The following SLC28A1 variants were observed in gnomAD, a reference collection of about 807,000 sequenced individuals.
SLC28A1 encodes the protein solute carrier family 28 member 1, also known as sodium/nucleoside cotransporter 1.
In SLC28A1, 64 loss-of-function variants were observed where a neutral mutation model predicts 74.8. That is an observed-to-expected ratio of 0.86 (90% CI 0.70 to 1.05). The LOEUF is 1.05. Among genes scored for constraint, SLC28A1 ranks in the 50% least tolerant of loss-of-function variants. SLC28A1 has a pLI of 0.00. For synonymous variants in SLC28A1, 359 were observed against 335.0 expected (o/e 1.07, Z -0.78); for missense variants, 828 against 822.8 (o/e 1.01, Z -0.08).
In SLC28A1 at chr15:84,943,673, A is replaced by G. The variant is rs1171077138; in HGVS notation, c.1663+147A>G. The G allele has an allele frequency of 5.7e-6, 4 of 702,826 alleles. No homozygotes were observed. The African/African-American group carries it at 7.0e-5, about 12-fold the overall frequency. The allele number at this position is 702,826 out of a possible 1,614,324, so 43.5% of individuals were successfully genotyped here. On this transcript the variant is annotated intron_variant, in intron 16 of 18. Transcript: ENST00000394573. Reference sequence around the variant, plus strand: ...GCCAGGTGTGGTGGCTCATGCCTGTAATCCCAGCACTTTGGGAGGCCCAGG... The same window carrying G: ...GCCAGGTGTGGTGGCTCATGCCTGTGATCCCAGCACTTTGGGAGGCCCAGG...
chr15:84,901,693 A>C, intron 6 of SLC28A1, among the ~76,000 whole-genome samples: 1 of 152,260 alleles, frequency 6.6e-6, no homozygotes. Context: ...GAATGGGTAG[A>C]ATTCAGAAGA....
At chr15:84,908,155 T>C (rs1410699028) in intron 8 of SLC28A1, among the ~76,000 whole-genome samples, 2 of 147,512 alleles carry the variant, frequency 1.4e-5, no homozygotes, top group East Asian at 4.1e-4. Flanking sequence ...TTCTTTATTG[T>C]CCTAATAACT....
At chr15:84,923,892 G>A (rs976766037) in intron 11 of SLC28A1, 93 bp from the exon 12 acceptor site, 24 of 1,561,780 alleles carry the variant, frequency 1.5e-5, no homozygotes, top group African/African-American at 8.1e-5. Flanking sequence ...GCCTCTTACC[G>A]TGGGACTCCC....
chr15:84,904,346 C>T, intron 7 of SLC28A1, 108 bp downstream of exon 7: 1 of 1,536,140 alleles, frequency 6.5e-7, no homozygotes, highest in Non-Finnish European at 8.9e-7. Flanking sequence ...TTGGGAGAGC[C>T]CTGGAGGCTC....
intron 6 of SLC28A1, among the ~76,000 whole-genome samples, chr15:84,901,175 G>A (rs1175614021): frequency 2.0e-5 from 3 of 151,762 alleles, no homozygotes; most frequent in Non-Finnish European, 4.4e-5. Context: ...GCCTGGCCTT[G>A]TCATAAATCT....
chr15:84,935,162 G>T lies in SLC28A1; in HGVS notation c.1351G>T (p.Asp451Tyr). 1.9e-6 allele frequency: 3 copies of T among 1,614,046 alleles called. No individual in the cohort carries two copies. Among genetic ancestry groups the T allele is most frequent in the Non-Finnish European group, 2.5e-6 (3 of 1,179,920 alleles). Residue 451 changes from aspartate (D) to tyrosine (Y), a missense_variant, in exon 14 of 19, where the codon GAC (aspartate) becomes TAC (tyrosine). By Grantham distance (160) the Asp-to-Tyr change is radical (BLOSUM62 -3). Coordinates refer to ENST00000394573, the MANE Select transcript of SLC28A1 (RefSeq NM_004213.5). ...CAATGCTGCCCTCTCCTGGCTGGGA[G>T]ACATGGTGGACATCCAAGGGCTCAG... The part of the protein sequence containing the change: ...FINAALSWLG[D>Y]MVDIQGLSFQ...
the SLC28A1 span, among the ~76,000 whole-genome samples, chr15:84,971,244 T>C: frequency 2.6e-5 from 4 of 152,316 alleles, no homozygotes; most frequent in South Asian, 8.3e-4. Flanking sequence ...TTGAAAGGGC[T>C]AGAGAACAAA....
intron 15 of SLC28A1, among the ~76,000 whole-genome samples, chr15:84,939,025 G>A (rs1406866030): frequency 1.3e-5 from 2 of 152,148 alleles, no homozygotes; most frequent in Non-Finnish European, 1.5e-5. Flanking sequence ...TGAATTTTAA[G>A]AAGATGACTG....
intron 2 of SLC28A1, chr15:84,887,349 G>C: frequency 1.0e-6 from 1 of 985,362 alleles, no homozygotes; most frequent in Non-Finnish European, 1.2e-6. Flanking sequence ...GTTTCTGCCT[G>C]GAACTCCCAG....
the SLC28A1 span, among the ~76,000 whole-genome samples, chr15:84,953,867 T>A: frequency 1.1e-3 from 174 of 152,264 alleles, 1 homozygote; most frequent in African/African-American, 4.1e-3. Flanking sequence ...ACAAATCAAA[T>A]AGCTTAGGAG....
At chr15:84,943,374 C>A in intron 15 of SLC28A1, 71 bp from the exon 16 acceptor site, 1 of 1,072,188 alleles carries the variant, frequency 9.3e-7, no homozygotes, top group Non-Finnish European at 1.5e-6. Context: ...GGCCAGGGAG[C>A]CTGGGTGTTA....
intron 8 of SLC28A1, among the ~76,000 whole-genome samples, chr15:84,908,178 C>CTTTTTTTTTTTTT (rs71135328): frequency 8.8e-5 from 8 of 91,358 alleles, no homozygotes; most frequent in African/African-American, 2.9e-4. Flanking sequence ...CAGAGCATTT[C>CTTTTTTTTTTTTT]TTTTTTTTTT....
chr15:84,910,085 C>G (rs536874791), intron 9 of SLC28A1, among the ~76,000 whole-genome samples: 3 of 152,304 alleles, frequency 2.0e-5, no homozygotes, highest in East Asian at 1.9e-4. Context: ...TCTCTTGTGC[C>G]AGCAGACTCC....
chr15:84,919,154 C>T (rs1219924889), intron 10 of SLC28A1, among the ~76,000 whole-genome samples: 1 of 152,160 alleles, frequency 6.6e-6, no homozygotes, highest in East Asian at 1.9e-4. Flanking sequence ...ATAATTTATA[C>T]CGAAAAGATA....
At chr15:84,903,946 G>T (rs1176074534) in intron 6 of SLC28A1, 151 bp from the exon 7 acceptor site, 1 of 1,014,186 alleles carries the variant, frequency 9.9e-7, no homozygotes, top group Non-Finnish European at 1.5e-6. Flanking sequence ...CCAGCATGTG[G>T]TTCCAGAGCT....
At chr15:84,906,556 CTT>C (rs1491266890) in intron 8 of SLC28A1, among the ~76,000 whole-genome samples, 1,080 of 89,188 alleles carry the variant, frequency 0.012, 46 homozygotes, top group African/African-American at 0.043. Context: ...TTCTTTCTTT[CTT>C]TCTTTCTCTT....
chr15:84,965,419 G>A, the SLC28A1 span, among the ~76,000 whole-genome samples: 1 of 152,056 alleles, frequency 6.6e-6, no homozygotes, highest in Admixed American at 6.6e-5. Context: ...CAGTTTTTTG[G>A]TGGCAATACA....
intron 12 of SLC28A1, among the ~76,000 whole-genome samples, chr15:84,927,128 T>C (rs1224902101): frequency 8.1e-6 from 1 of 123,868 alleles, no homozygotes; most frequent in Non-Finnish European, 1.7e-5. Context: ...TTTGCACCTG[T>C]CTTGCTGAGG....
At chr15:84,912,802 G>GCGCGCGTGCGCGCGCGCA (rs1968477121) in intron 9 of SLC28A1, among the ~76,000 whole-genome samples, 1 of 55,736 alleles carries the variant, frequency 1.8e-5, no homozygotes, top group African/African-American at 5.0e-5. Flanking sequence ...AATTTTGCGC[G>GCGCGCGTGCGCGCGCGCA]CGCGCACACA....
Sources: allele counts gnomAD v4.1 joint callset (sites outside exome capture counted in the v4.1 genomes callset), GRCh38; gene constraint gnomAD v4.1.1; transcripts MANE v1.5; gene names NCBI Gene and HGNC (gene_info 2026-07-23, HGNC 2026-07-21).